Variants in HERC2 observed in about 807,000 individuals in gnomAD.
HERC2 encodes the protein HECT and RLD domain containing E3 ubiquitin protein ligase 2, also known as E3 ubiquitin-protein ligase HERC2.
In HERC2, 102 loss-of-function variants were observed where a neutral mutation model predicts 537.7. That is an observed-to-expected ratio of 0.19 (90% confidence interval 0.16 to 0.22). HERC2 has a LOEUF of 0.22. Ranked by LOEUF, HERC2 falls within the 10% of genes least tolerant of loss-of-function variation. The pLI is 1.00. For missense variants in HERC2, 4,236 were observed against 6,198.2 expected (o/e 0.68, Z 10.63); for synonymous variants, 2,224 against 2,466.2 (o/e 0.90, Z 2.91).
intron 35 of HERC2, 90 bp downstream of exon 35, chr15:28,228,128 T>TAAA: frequency 8.9e-7 from 1 of 1,122,692 alleles, no homozygotes; most frequent in Non-Finnish European, 1.3e-6. Context: ...ACAAAAAGCT[T>TAAA]TAAAAAAAAA....
At chr15:28,125,302 G>T in intron 83 of HERC2, 109 bp from the exon 84 acceptor site, 2 of 873,754 alleles carry the variant, frequency 2.3e-6, no homozygotes, top group Non-Finnish European at 3.8e-6. Flanking sequence ...CCCTTCAGCT[G>T]GTGTTGACCT....
In HERC2 at chr15:28,141,841, A is replaced by T; in HGVS notation, c.11706T>A (p.Ala3902=). Residue 3902 remains alanine, a synonymous_variant, in exon 77 of 93, where the codon GCT becomes GCA. Coordinates refer to ENST00000261609, the MANE Select transcript of HERC2 (RefSeq NM_004667.6). Reference sequence around the variant, plus strand: ...CTGCCATTAATTCACGAATTTTCTTAGCCACCTAAACAAAATTATTATGAT... The same window carrying T: ...CTGCCATTAATTCACGAATTTTCTTTGCCACCTAAACAAAATTATTATGAT... The part of the protein sequence containing the change: ...PLPRLFLDEV[A]KKIRELMADS... The T allele has an allele frequency of 6.2e-7, 1 of 1,610,762 alleles. No individual in the cohort carries two copies. The highest frequency in any genetic ancestry group is 1.1e-5 in the South Asian group (1 of 90,918).
At chr15:28,201,385 C>T (rs1235875365) in intron 48 of HERC2, 71 bp downstream of exon 48, 2 of 995,038 alleles carry the variant, frequency 2.0e-6, no homozygotes, top group Non-Finnish European at 3.2e-6. Context: ...TGATGTTTGG[C>T]ATATAGGACA....
rs139926428 is a variant in HERC2, at chr15:28,318,397, C to T, written c.72+2965G>A. 5.3e-5 allele frequency among the ~76,000 whole-genome samples: 8 copies of T among 152,258 alleles called. No individual in the cohort carries two copies. In the East Asian group the frequency reaches 9.6e-4, roughly 18 times the overall value. On this transcript the variant is annotated intron_variant, in intron 2 of 92. Transcript: ENST00000261609. ...ATCCCAGCACTTCCGGAGGCCGAGA[C>T]GGGTGGATCACTTGAGGTCAGGAGT... is the stretch of plus-strand genomic sequence containing the variant.
chr15:28,123,233 G>C (rs1368044780), intron 85 of HERC2, among the ~76,000 whole-genome samples: 1 of 152,142 alleles, frequency 6.6e-6, no homozygotes, highest in African/African-American at 2.4e-5. Flanking sequence ...TCTTTAAAAA[G>C]TAACCTGCTG....
chr15:28,190,771 T>C, intron 55 of HERC2, 194 bp downstream of exon 55: 1 of 582,788 alleles, frequency 1.7e-6, no homozygotes, highest in South Asian at 2.3e-5. Flanking sequence ...TGTTTCCTTT[T>C]CAAGCTGAAC....
Position 28,228,220 on chromosome 15 carries a change from A to G in HERC2, c.5462T>C (p.Ile1821Thr), listed in dbSNP as rs370581395. Reference protein sequence around the residue: ...LALTQTALRLIGPSCDNVEED... With the variant: ...LALTQTALRLTGPSCDNVEED... ...CGCTCAAGCGGGTGCAGACCTACCA[A>G]TCAGGCGCAGTGCCGTCTGCGTGAG... Residue 1821 changes from isoleucine (I) to threonine (T), a missense_variant and splice_region_variant, in exon 35 of 93, where the codon ATT (isoleucine) becomes ACT (threonine). Transcript: ENST00000261609. 1.2e-6 allele frequency: 2 copies of G among 1,613,250 alleles called. No homozygotes were observed. The highest frequency in any genetic ancestry group is 1.7e-6 in the Non-Finnish European group (2 of 1,179,744).
In HERC2 at chr15:28,265,310, G is replaced by A. The variant is rs369931176; in HGVS notation, c.1870+308C>T. Among the ~76,000 whole-genome samples the A allele has an allele frequency of 8.5e-5, 13 of 152,290 alleles. No homozygotes were observed. The highest frequency in any genetic ancestry group is 6.2e-4 in the South Asian group (3 of 4,824). ...TTACCACAGGGAATCAAGAGTGGCC[G>A]AACGTTAAGAAATGTAATAATACTA... is the stretch of plus-strand genomic sequence containing the variant. On this transcript the variant is annotated intron_variant, in intron 14 of 92. Coordinates refer to ENST00000261609, the MANE Select transcript of HERC2 (RefSeq NM_004667.6). This position sits in a 1 kb window ranked among gnomAD's most constrained non-coding sequence, Gnocchi z 4.0.
At chr15:28,212,334 C>G (rs1238530626) in intron 43 of HERC2, 111 bp downstream of exon 43, 5 of 719,816 alleles carry the variant, frequency 6.9e-6, no homozygotes, top group African/African-American at 5.3e-5. Flanking sequence ...GGTGAGCCCA[C>G]GTGAACCCCA....
rs2075659469 is a variant in HERC2 at position 28,269,436 on chromosome 15, C to A, written c.1258G>T (p.Gly420Ter). The A allele has an allele frequency of 6.3e-7, 1 of 1,599,842 alleles. No individual in the cohort carries two copies. The highest frequency in any genetic ancestry group is 8.6e-7 in the Non-Finnish European group (1 of 1,168,654). Reference protein sequence around the residue: ...PLCSSPTSHKGSLQEVIGWGL... With the variant: ...PLCSSPTSHK ...CAACCTATGACCTCTTGCAATGATC[C>A]CTGTAAGATAAGAAAGTAAACATTT... Residue 420 changes from glycine to a stop codon, truncating the protein, a stop_gained and splice_region_variant, in exon 11 of 93, where the codon GGA (glycine) becomes TGA (stop). Transcript: ENST00000261609. LOFTEE classifies it high-confidence loss of function.
chr15:28,301,896 T>C (rs1161612247), intron 2 of HERC2, among the ~76,000 whole-genome samples: 1 of 149,608 alleles, frequency 6.7e-6, no homozygotes, highest in Non-Finnish European at 1.5e-5. Context: ...GCCTTTTGGG[T>C]TCAAGGGTTT....
At chr15:28,245,564 TATACACACACACACAC>T (rs71132842) in intron 23 of HERC2, among the ~76,000 whole-genome samples, 24,983 of 108,844 alleles carry the variant, frequency 0.23, 3,276 homozygotes, top group Non-Finnish European at 0.31. Context: ...AAAAAAAATA[TATACACACACACACAC>T]ACACACACAC....
chr15:28,217,530 C>T (rs1015916086), intron 38 of HERC2, among the ~76,000 whole-genome samples: 4 of 152,192 alleles, frequency 2.6e-5, no homozygotes, highest in East Asian at 1.9e-4. Context: ...TGTGCTCACT[C>T]GCAGTCACAT....
chr15:28,239,665 G>A (rs533495098), intron 23 of HERC2, among the ~76,000 whole-genome samples: 153 of 145,460 alleles, frequency 1.1e-3, no homozygotes, highest in African/African-American at 3.4e-3. Context: ...ACATAACACC[G>A]CCCCAACGAG....
At chr15:28,316,215 T>A (rs1302464652) in intron 2 of HERC2, among the ~76,000 whole-genome samples, 5 of 114,516 alleles carry the variant, frequency 4.4e-5, no homozygotes, top group Admixed American at 3.4e-4. Context: ...AGAGTGAGAC[T>A]CTGTCTCAAA....
intron 9 of HERC2, among the ~76,000 whole-genome samples, chr15:28,271,421 G>C (rs2075724147): frequency 6.6e-6 from 1 of 152,190 alleles, no homozygotes; most frequent in African/African-American, 2.4e-5. Context: ...CCAGCACTTT[G>C]GGAGGGCCAG....
intron 68 of HERC2, among the ~76,000 whole-genome samples, chr15:28,163,984 T>C (rs1893877325): frequency 6.6e-6 from 1 of 152,188 alleles, no homozygotes; most frequent in South Asian, 2.1e-4. Flanking sequence ...GCCCCCACCC[T>C]GCTTGTTGGC....
At chr15:28,183,864 G>GA (rs1165931655) in intron 56 of HERC2, among the ~76,000 whole-genome samples, 1 of 152,112 alleles carries the variant, frequency 6.6e-6, no homozygotes, top group Non-Finnish European at 1.5e-5. Flanking sequence ...ACAAAATATT[G>GA]AAATATCTTG....
chr15:28,266,227 T>C (rs1210711671), intron 12 of HERC2, among the ~76,000 whole-genome samples: 1 of 152,084 alleles, frequency 6.6e-6, no homozygotes, highest in South Asian at 2.1e-4. Flanking sequence ...TAAAGAATTG[T>C]ACAATAGGCT....
Sources: gnomAD v4.1 joint callset for allele counts (sites outside exome capture counted in the v4.1 genomes callset) on GRCh38, gnomAD v4.1.1 for gene constraint, Gnocchi (gnomAD v3.1) non-coding constraint, MANE v1.5 for transcripts, NCBI Gene and HGNC (gene_info 2026-07-23, HGNC 2026-07-21) for gene names.